Variants in SERF2 observed in about 807,000 individuals in gnomAD.
SERF2 encodes the protein gastric cancer-related protein VRG107.
A neutral mutation model predicts 10.7 loss-of-function variants in SERF2; 4 were observed. The ratio of observed to expected loss-of-function variants is 0.37; its 90% CI spans 0.18 to 0.86. SERF2 has a LOEUF of 0.86. SERF2 is among the 40% of genes least tolerant of loss of function. SERF2 has a pLI of 0.43. For missense variants in SERF2, 47 were observed against 79.1 expected (o/e 0.59, Z 1.54); for synonymous variants, 26 against 26.0 (o/e 1.00, Z 0.01).
At position 43,795,330 on chromosome 15, in the gene SERF2, C is replaced by T. The variant is rs2087183328; in HGVS notation, c.*1557C>T. On this transcript the variant is annotated 3_prime_UTR_variant, in exon 3 of 3. Coordinates refer to ENST00000249786, the MANE Select transcript of SERF2 (RefSeq NM_001018108.4). ...GTGTGTCTGGAATGGCCTTGAATTG[C>T]TCTTTCCTTAAAATAGCTAGCTCTT... 6.2e-7 allele frequency: 1 copy of T among 1,606,160 alleles called. No individual in the cohort carries two copies. The highest frequency in any genetic ancestry group is 8.5e-7 in the Non-Finnish European group (1 of 1,173,300).
In SERF2 at chr15:43,781,487, G is replaced by A. The variant is rs553429886; in HGVS notation, c.-526-3923G>A. Among the ~76,000 whole-genome samples, 6 of 152,070 alleles carry A rather than the reference G, an allele frequency of 3.9e-5. No individual in the cohort carries two copies. In the East Asian group the frequency reaches 1.2e-3, roughly 30 times the overall value. On this transcript the variant is annotated intron_variant, in intron 1 of 4. Coordinates refer to the SERF2 transcript ENST00000381359. The stretch of plus-strand genomic sequence containing the variant: ...GAATCACTTCAACCCAGGAGGCAGA[G>A]GTTTCAGTGAGCTGAGATAGAGCAA...
chr15:43,794,354 T>G lies in SERF2; in HGVS notation c.*581T>G. On this transcript the variant is annotated 3_prime_UTR_variant, in exon 3 of 3. Coordinates refer to ENST00000249786, the MANE Select transcript of SERF2 (RefSeq NM_001018108.4). ...GCTGCAAGATCTGTGTTTATGCCTC[T>G]TTTCCTCATTCTTCCTCAGTTTGTT... The G allele has an allele frequency of 5.4e-6, 1 of 183,604 alleles. No individual in the cohort carries two copies. The highest frequency in any genetic ancestry group is 1.1e-5 in the Non-Finnish European group (1 of 88,116). 11.4% of individuals were successfully genotyped at this position (183,604 alleles called of 1,614,324 possible).
chr15:43,793,145 A>C (rs2141681116), intron 2 of SERF2, 62 bp downstream of exon 2: 1 of 1,042,586 alleles, frequency 9.6e-7, no homozygotes, highest in Non-Finnish European at 1.5e-6. Context: ...AGGGTTATAG[A>C]AGGAAAGAGA....
At chr15:43,778,540 A>G (rs2086940094) in intron 1 of SERF2, among the ~76,000 whole-genome samples, 1 of 145,864 alleles carries the variant, frequency 6.9e-6, no homozygotes, top group Non-Finnish European at 1.5e-5. Flanking sequence ...CCCTGTCTCA[A>G]AAAAAGAAAA....
At position 43,793,604 on chromosome 15, in the gene SERF2, C is replaced by G. The variant is rs2087125429; in HGVS notation, c.117-106C>G. The G allele has an allele frequency of 3.1e-6, 5 of 1,602,424 alleles. No individual in the cohort carries two copies. The African/African-American group carries it at 4.0e-5, about 13-fold the overall frequency. The stretch of plus-strand genomic sequence containing the variant: ...GGGAGTACAGCAGCCAAACGCTGAA[C>G]TTAGTCCCATCCACTTCCATCTTAT... On this transcript the variant is annotated intron_variant, in intron 2 of 2. Coordinates refer to ENST00000249786, the MANE Select transcript of SERF2 (RefSeq NM_001018108.4).
In SERF2 at chr15:43,784,438, TTTTTG is replaced by T. The variant is rs201188980; in HGVS notation, c.-526-967_-526-963del. Among the ~76,000 whole-genome samples the T allele has an allele frequency of 6.5e-3, 989 of 152,222 alleles. 9 individuals are homozygous for T. Among genetic ancestry groups the T allele is most frequent in the African/African-American group, 0.023 (937 of 41,532 alleles). On this transcript the variant is annotated intron_variant, in intron 1 of 4. Coordinates refer to the SERF2 transcript ENST00000381359. ...TTGGGCACTCTGTGACCTCCCTCTA[TTTTTG>T]TTTTATTTATTTATTTTAATTAATT...
At position 43,795,032 on chromosome 15, in the gene SERF2, T is replaced by C; in HGVS notation, c.*1259T>C. On this transcript the variant is annotated 3_prime_UTR_variant, in exon 3 of 3. Transcript: ENST00000249786. ...GGAGGATATTTGTTATCTGGGGATA[T>C]GATGCGGTGGCGGCGGCGCCTCAAG... is the stretch of plus-strand genomic sequence containing the variant. 2 of 1,612,248 alleles carry C rather than the reference T, an allele frequency of 1.2e-6. No individual in the cohort carries two copies. Among genetic ancestry groups the C allele is most frequent in the Non-Finnish European group, 1.7e-6 (2 of 1,179,882 alleles).
rs372613505 is a variant in SERF2, at chr15:43,780,297, G to A, written c.-527+2795G>A. 4.1e-5 allele frequency among the ~76,000 whole-genome samples: 6 copies of A among 148,060 alleles called. No individual in the cohort carries two copies. In the East Asian group the frequency reaches 8.2e-4, roughly 20 times the overall value. On this transcript the variant is annotated intron_variant, in intron 1 of 4. Coordinates refer to the SERF2 transcript ENST00000381359. Reference sequence around the variant, plus strand: ...TGAGACTACAGGCGCCCGCCACCACGCCCGGCTAATTTTTTGTATTTTTTT... The same window carrying A: ...TGAGACTACAGGCGCCCGCCACCACACCCGGCTAATTTTTTGTATTTTTTT...
rs145368177 is a variant in SERF2 at position 43,778,581 on chromosome 15, C to CAAAAAAAAAAAAA, written c.-527+1101_-527+1113dup. 1.4e-4 allele frequency among the ~76,000 whole-genome samples: 4 copies of CAAAAAAAAAAAAA among 28,932 alleles called. 1 individual carries two copies. The highest frequency in any genetic ancestry group is 2.4e-4 in the Non-Finnish European group (4 of 16,882). 19.0% of individuals were successfully genotyped at this position (28,932 alleles called of 152,430 possible). ...CCAGGCGCGCTGGCAGATTCCATCT[C>CAAAAAAAAAAAAA]AAAAAAAAAAAAAAAAAAAAAAAAA... On this transcript the variant is annotated intron_variant, in intron 1 of 4. Coordinates refer to the SERF2 transcript ENST00000381359.
chr15:43,782,960 T>A (rs899431698), intron 1 of SERF2, among the ~76,000 whole-genome samples: 5 of 150,460 alleles, frequency 3.3e-5, no homozygotes, highest in Non-Finnish European at 7.4e-5. Context: ...TTCTCGTGCC[T>A]CAGCCTCCTG....
chr15:43,781,891 CTTCT>C (rs1343361809), intron 1 of SERF2, among the ~76,000 whole-genome samples: 19 of 65,712 alleles, frequency 2.9e-4, no homozygotes, highest in Admixed American at 2.2e-4. Flanking sequence ...CCTACTTCTT[CTTCT>C]TTTTTTTTTT....
chr15:43,793,890 T>C lies in SERF2; in HGVS notation c.*117T>C. On this transcript the variant is annotated 3_prime_UTR_variant, in exon 3 of 3. Coordinates refer to ENST00000249786, the MANE Select transcript of SERF2 (RefSeq NM_001018108.4). ...GGTCCCAGCACCGATGGCATTCCCT[T>C]TGCCCTGAGTCTGCAGCGGGTCCCT... 1 of 1,601,594 alleles carries C rather than the reference T, an allele frequency of 6.2e-7. No homozygotes were observed. Among genetic ancestry groups the C allele is most frequent in the African/African-American group, 1.3e-5 (1 of 74,884 alleles).
rs1396604365 is a variant in SERF2 at position 43,782,593 on chromosome 15, C to A, written c.-526-2817C>A. Among the ~76,000 whole-genome samples, 3 of 152,302 alleles carry A rather than the reference C, an allele frequency of 2.0e-5. No homozygotes were observed. The East Asian group carries it at 5.8e-4, about 29-fold the overall frequency. On this transcript the variant is annotated intron_variant, in intron 1 of 4. Transcript: ENST00000381359. ...GAGCCCTCCATACTCCTGCTCCAATCTGAAATGATTGTTCTCTAGGTCGGC... is the reference window on the plus strand; with the variant it reads ...GAGCCCTCCATACTCCTGCTCCAATATGAAATGATTGTTCTCTAGGTCGGC...
upstream of SERF2, among the ~76,000 whole-genome samples, chr15:43,791,424 G>A (rs892641476): frequency 3.1e-4 from 40 of 129,436 alleles, no homozygotes; most frequent in Non-Finnish European, 5.6e-4. Flanking sequence ...TATTTTTAGG[G>A]TTTTCACCAT....
Position 43,793,003 on chromosome 15 carries a change from G to C in SERF2, c.36G>C (p.Gln12His). 6.3e-7 allele frequency: 1 copy of C among 1,599,846 alleles called. No homozygotes were observed. The highest frequency in any genetic ancestry group is 8.5e-7 in the Non-Finnish European group (1 of 1,171,446). Reference protein sequence around the residue: ...TRGNQRELARQKNMKKQSDSV... With the variant: ...TRGNQRELARHKNMKKQSDSV... ...GTAACCAGCGTGAGCTCGCCCGCCA[G>C]AAGAATATGAAAAAGCAGAGCGACT... The change falls in exon 2 of 3, where the codon CAG becomes CAC. Residue 12 changes from glutamine to histidine, a missense_variant. Gln to His is a conservative substitution (Grantham distance 24, BLOSUM62 0). Coordinates refer to ENST00000249786, the MANE Select transcript of SERF2 (RefSeq NM_001018108.4).
At chr15:43,787,172 T>C (rs532817582) in intron 2 of SERF2, among the ~76,000 whole-genome samples, 5 of 151,976 alleles carry the variant, frequency 3.3e-5, no homozygotes, top group Non-Finnish European at 7.4e-5. Context: ...GCTAATTTTT[T>C]GTATTTTTAG....
chr15:43,778,469 A>G (rs2141665000), intron 1 of SERF2, among the ~76,000 whole-genome samples: 1 of 150,594 alleles, frequency 6.6e-6, no homozygotes, highest in Middle Eastern at 3.4e-3. Flanking sequence ...TGAATCCATG[A>G]ATCAGGTTGC....
Position 43,795,269 on chromosome 15 carries a change from G to T in SERF2, c.*1496G>T, listed in dbSNP as rs2141687642. The T allele has an allele frequency of 6.3e-7, 1 of 1,594,476 alleles. No homozygotes were observed. The highest frequency in any genetic ancestry group is 1.3e-5 in the African/African-American group (1 of 74,580). ...ATGAAGGGCCTTAGCTTTTAGACCT[G>T]TTCTACCTCCTCACCAAATATAATG... is the stretch of plus-strand genomic sequence containing the variant. On this transcript the variant is annotated 3_prime_UTR_variant, in exon 3 of 3. Transcript: ENST00000249786.
intron 1 of SERF2, among the ~76,000 whole-genome samples, chr15:43,779,491 T>C (rs1373945453): frequency 6.6e-6 from 1 of 152,014 alleles, no homozygotes; most frequent in East Asian, 1.9e-4. Flanking sequence ...AATTACATAT[T>C]TATTTATTTA....
Sources: gnomAD v4.1 joint callset for allele counts (sites outside exome capture counted in the v4.1 genomes callset) on GRCh38, gnomAD v4.1.1 for gene constraint, MANE v1.5 for transcripts, NCBI Gene and HGNC (gene_info 2026-07-23, HGNC 2026-07-21) for gene names.